UQCC1: variants seen among roughly 807,000 people sequenced by gnomAD.
The protein encoded by UQCC1 is ubiquinol-cytochrome c reductase complex assembly factor 1, also known as bFGF-repressed Zic-binding protein.
UQCC1 carries 38 observed loss-of-function variants against 48.0 expected under a neutral mutation model. That is an observed-to-expected ratio of 0.79 (90% CI 0.61 to 1.04). The LOEUF (loss-of-function observed/expected upper bound fraction) is 1.04. UQCC1 is among the 50% of genes least tolerant of loss of function. The pLI is 0.00. For missense variants in UQCC1, 368 were observed against 381.8 expected, an observed-to-expected ratio of 0.96 and a Z score of 0.30; for synonymous variants, 111 against 129.2, an observed-to-expected ratio of 0.86 and a Z score of 0.95.
chr20:35,374,836 T>C (rs1249672372), intron 4 of UQCC1, among the ~76,000 whole-genome samples: 1 of 152,214 alleles, frequency 6.6e-6, no homozygotes, highest in Non-Finnish European at 1.5e-5. Context: ...AAACTTTTAC[T>C]ATTCCCAAAG....
In UQCC1 at chr20:35,384,966, C is replaced by CAAAAAAAAAA. The variant is rs57141083; in HGVS notation, c.130-843_130-834dup. Reference sequence around the variant, plus strand: ...TGGGCAACACAGCAAGAATCGGTCTCAAAAAAAAAAAAAAAAAAAAAAAAA... The same window carrying CAAAAAAAAAA: ...TGGGCAACACAGCAAGAATCGGTCTCAAAAAAAAAAAAAAAAAAAAAAAAAAAAAAAAAAA... On this transcript the variant is annotated intron_variant, in intron 2 of 9. Coordinates refer to ENST00000374385, the MANE Select transcript of UQCC1 (RefSeq NM_018244.5). Among the ~76,000 whole-genome samples the CAAAAAAAAAA allele has an allele frequency of 7.3e-4, 51 of 69,750 alleles. 4 individuals carry two copies. The highest frequency in any genetic ancestry group is 3.1e-3 in the African/African-American group (49 of 15,950). 45.8% of individuals were successfully genotyped at this position (69,750 alleles called of 152,430 possible). A position where few individuals can be genotyped will look rare whatever the true frequency, so the allele number is the denominator to read the frequency against.
rs182725358 is a variant in UQCC1, at chr20:35,375,704, A to C, written c.334-1448T>G. 5.4e-3 allele frequency among the ~76,000 whole-genome samples: 818 copies of C among 151,826 alleles called. 5 individuals carry two copies. Among genetic ancestry groups the C allele is most frequent in the Non-Finnish European group, 7.7e-3 (525 of 67,900 alleles). On this transcript the variant is annotated intron_variant, in intron 4 of 9. Coordinates refer to ENST00000374385, the MANE Select transcript of UQCC1 (RefSeq NM_018244.5). ...GGTGGCTCACGCCTGTAATCCCAGC[A>C]CTTTAGGAGGCTGAGACAGGCAGAT...
chr20:35,304,379 G>A (rs946009714), intron 9 of UQCC1, among the ~76,000 whole-genome samples: 2 of 152,058 alleles, frequency 1.3e-5, no homozygotes, highest in South Asian at 2.1e-4. Flanking sequence ...TCCCCTACAC[G>A]CCCTCCCTAG....
intron 1 of UQCC1, among the ~76,000 whole-genome samples, chr20:35,400,072 C>T (rs2062140400): frequency 1.3e-5 from 2 of 151,736 alleles, no homozygotes; most frequent in South Asian, 2.1e-4. Flanking sequence ...ACTAGAGCGG[C>T]GCGCTACCAC....
chr20:35,337,213 G>A (rs563143748), intron 7 of UQCC1, among the ~76,000 whole-genome samples: 3 of 149,618 alleles, frequency 2.0e-5, no homozygotes, highest in Admixed American at 1.3e-4. Context: ...TTTTGAGACA[G>A]AGTCTTGCTC....
In UQCC1 at chr20:35,381,903, C is replaced by T. The variant is rs918874293; in HGVS notation, c.333+15G>A. On this transcript the variant is annotated intron_variant, in intron 4 of 9. Transcript: ENST00000374385. The stretch of plus-strand genomic sequence containing the variant: ...TGCCCAAAAGGAAAAATGAGAAGAA[C>T]TTAAAGGACTTTACCCATTTACTGT... 8.2e-6 allele frequency: 12 copies of T among 1,456,070 alleles called. No homozygotes were observed. Among genetic ancestry groups the T allele is most frequent in the Middle Eastern group, 1.8e-4 (1 of 5,710 alleles). 90.2% of individuals were successfully genotyped at this position (1,456,070 alleles called of 1,614,324 possible).
chr20:35,344,562 G>T (rs963843791), intron 7 of UQCC1: 3 of 152,220 alleles, frequency 2.0e-5, no homozygotes, highest in Non-Finnish European at 4.4e-5. Flanking sequence ...TCATTAAATA[G>T]GACTGAGACT....
intron 6 of UQCC1, among the ~76,000 whole-genome samples, chr20:35,347,510 C>T (rs997637990): frequency 1.3e-5 from 2 of 152,050 alleles, no homozygotes; most frequent in African/African-American, 4.8e-5. Flanking sequence ...ACACAAGCAC[C>T]ACCCAGATCG....
At chr20:35,396,334 C>T (rs1280478928) in intron 1 of UQCC1, among the ~76,000 whole-genome samples, 1 of 148,146 alleles carries the variant, frequency 6.8e-6, no homozygotes, top group African/African-American at 2.5e-5. Context: ...CTACATTCCC[C>T]AGGCTGGAGT....
chr20:35,329,663 G>A (rs1215829036), intron 7 of UQCC1, among the ~76,000 whole-genome samples: 2 of 152,176 alleles, frequency 1.3e-5, no homozygotes, highest in Admixed American at 6.5e-5. Context: ...CTGTATCCTA[G>A]GTCTGACCTC....
chr20:35,389,684 A>G (rs2146503995), intron 2 of UQCC1, among the ~76,000 whole-genome samples: 1 of 152,368 alleles, frequency 6.6e-6, no homozygotes, highest in East Asian at 1.9e-4. Flanking sequence ...AAGAAGTGAC[A>G]GCTCTTTCTT....
At chr20:35,383,515 T>C (rs544636713) in intron 3 of UQCC1, among the ~76,000 whole-genome samples, 1 of 152,020 alleles carries the variant, frequency 6.6e-6, no homozygotes, top group Non-Finnish European at 1.5e-5. Context: ...TTCAAGGCAG[T>C]AGTGAGCCAT....
At position 35,374,251 on chromosome 20, in the gene UQCC1, A is replaced by C. The variant is rs766292937; in HGVS notation, c.339T>G (p.Ile113Met). 27 of 1,611,484 alleles carry C rather than the reference A, an allele frequency of 1.7e-5. No individual in the cohort carries two copies. Among genetic ancestry groups the C allele is most frequent in the African/African-American group, 2.7e-5 (2 of 74,944 alleles). ...TATACATGCGCAGGGCCGCAATCTT[A>C]ATCTTCTAGACAAAGAGAATAAAAC... The part of the protein sequence containing the change: ...TGPLKYSKWK[I>M]KIAALRMYTS... Residue 113 changes from isoleucine to methionine, a missense_variant, in exon 5 of 10, where the codon ATT (isoleucine) becomes ATG (methionine). Ile to Met is a conservative substitution (Grantham distance 10). Transcript: ENST00000374385.
chr20:35,324,436 C>T (rs568262842), intron 7 of UQCC1, among the ~76,000 whole-genome samples: 1 of 152,322 alleles, frequency 6.6e-6, no homozygotes, highest in South Asian at 2.1e-4. Flanking sequence ...ACGCCATTCT[C>T]CTGCCTCAGC....
intron 8 of UQCC1, among the ~76,000 whole-genome samples, chr20:35,314,477 T>C (rs558371648): frequency 6.6e-6 from 1 of 152,264 alleles, no homozygotes; most frequent in Admixed American, 6.5e-5. Flanking sequence ...CCATATTATA[T>C]ACTGCTTTCT....
chr20:35,304,191 G>A, intron 9 of UQCC1, 122 bp from the exon 10 acceptor site: 1 of 1,319,066 alleles, frequency 7.6e-7, no homozygotes. Context: ...GGGGGCTTCT[G>A]ACCATCCCAG....
At chr20:35,381,476 C>T (rs1162574368) in intron 4 of UQCC1, among the ~76,000 whole-genome samples, 1 of 152,094 alleles carries the variant, frequency 6.6e-6, no homozygotes, top group Non-Finnish European at 1.5e-5. Context: ...AGTTCAGCCC[C>T]ACATGTTGTA....
At chr20:35,339,564 T>C (rs2061355703) in intron 7 of UQCC1, among the ~76,000 whole-genome samples, 2 of 152,186 alleles carry the variant, frequency 1.3e-5, no homozygotes, top group African/African-American at 4.8e-5. Flanking sequence ...TGTATTTGTG[T>C]GCATGCACTT....
chr20:35,364,946 C>A (rs1171003268), intron 6 of UQCC1, among the ~76,000 whole-genome samples: 1 of 152,198 alleles, frequency 6.6e-6, no homozygotes, highest in African/African-American at 2.4e-5. Context: ...CTTCTTGCAA[C>A]CCTCCCACCT....
Sources: allele counts gnomAD v4.1 joint callset (sites outside exome capture counted in the v4.1 genomes callset), GRCh38; gene constraint gnomAD v4.1.1; transcripts MANE v1.5; gene names NCBI Gene and HGNC (gene_info 2026-07-23, HGNC 2026-07-21).